ACACA: variants seen among roughly 807,000 people sequenced by gnomAD.
ACACA encodes acetyl-CoA carboxylase 1.
ACACA carries 103 observed loss-of-function variants against 296.1 expected under a neutral mutation model. The observed-to-expected ratio is 0.35, with a 90% CI of 0.30 to 0.41. ACACA has a LOEUF of 0.41. Among genes scored for constraint, ACACA ranks in the 10% least tolerant of loss-of-function variants. The pLI, the probability that ACACA is intolerant of heterozygous loss-of-function variation, is 1.00. For synonymous variants in ACACA, 953 were observed against 1,038.6 expected (o/e 0.92, Z 1.58); for missense variants, 1,554 against 2,989.7 (o/e 0.52, Z 11.20).
intron 52 of ACACA, among the ~76,000 whole-genome samples, chr17:37,099,163 T>G (rs1044774834): frequency 6.6e-6 from 1 of 152,216 alleles, no homozygotes; most frequent in African/African-American, 2.4e-5. Flanking sequence ...CTTGGGCTGC[T>G]GACTGAGCCG....
At chr17:37,120,319 G>A (rs2074467565) in intron 50 of ACACA, among the ~76,000 whole-genome samples, 1 of 151,886 alleles carries the variant, frequency 6.6e-6, no homozygotes, top group Non-Finnish European at 1.5e-5. Flanking sequence ...AGGCTAAAGT[G>A]CAGTGGCACA....
At chr17:37,138,808 C>T (rs1054891980) in intron 45 of ACACA, among the ~76,000 whole-genome samples, 1 of 152,190 alleles carries the variant, frequency 6.6e-6, no homozygotes, top group African/African-American at 2.4e-5. Context: ...TACACTATTG[C>T]ATGATATATT....
At chr17:37,159,720 AT>A (rs2076389901) in intron 42 of ACACA, among the ~76,000 whole-genome samples, 2 of 152,220 alleles carry the variant, frequency 1.3e-5, no homozygotes, top group Admixed American at 1.3e-4. Flanking sequence ...TTATAACTTG[AT>A]GAGTTATGAC....
intron 3 of ACACA, among the ~76,000 whole-genome samples, chr17:37,295,544 T>C (rs2083285914): frequency 6.6e-6 from 1 of 151,630 alleles, no homozygotes; most frequent in African/African-American, 2.4e-5. Context: ...ATTCCAGCAC[T>C]TTGGGAGGTA....
At chr17:37,150,444 AG>A (rs2075989560) in intron 44 of ACACA, among the ~76,000 whole-genome samples, 1 of 152,128 alleles carries the variant, frequency 6.6e-6, no homozygotes, top group Non-Finnish European at 1.5e-5. Flanking sequence ...CGGGAGGCCA[AG>A]GCAGGAAAAC....
chr17:37,299,318 T>G, intron 3 of ACACA: 1 of 1,614,094 alleles, frequency 6.2e-7, no homozygotes, highest in Middle Eastern at 1.6e-4. Flanking sequence ...TATTTTCCTC[T>G]GGAGAACCCT....
At chr17:37,267,020 T>C (rs752498558) in intron 10 of ACACA, among the ~76,000 whole-genome samples, 3 of 152,190 alleles carry the variant, frequency 2.0e-5, no homozygotes, top group Non-Finnish European at 2.9e-5. Context: ...TATGAGCCAG[T>C]TTTAAAGTCA....
At chr17:37,389,245 G>A in intron 1 of ACACA, 7 of 1,579,896 alleles carry the variant, frequency 4.4e-6, no homozygotes, top group South Asian at 3.5e-5. Flanking sequence ...TCTCCCTTCA[G>A]TATCAATGCC....
At chr17:37,098,191 A>G (rs1222116802) in intron 52 of ACACA, among the ~76,000 whole-genome samples, 2 of 152,164 alleles carry the variant, frequency 1.3e-5, no homozygotes, top group Non-Finnish European at 2.9e-5. Flanking sequence ...AGAAGCCCAC[A>G]TGCCCTCTTT....
intron 33 of ACACA, among the ~76,000 whole-genome samples, chr17:37,203,115 C>T (rs993523027): frequency 2.0e-5 from 3 of 151,972 alleles, no homozygotes; most frequent in Admixed American, 6.5e-5. Flanking sequence ...GCGCCCGCCA[C>T]CACACCTGGC....
chr17:37,204,365 A>T (rs2078404787), intron 33 of ACACA, among the ~76,000 whole-genome samples: 1 of 152,174 alleles, frequency 6.6e-6, no homozygotes, highest in East Asian at 1.9e-4. Flanking sequence ...CCTGGCATCA[A>T]ATCCTTAAGT....
rs901011865 is a variant in ACACA at position 37,246,770 on chromosome 17, C to T, written c.2460+56G>A. The T allele has an allele frequency of 3.6e-5, 57 of 1,601,922 alleles. 1 individual carries two copies. In the African/African-American group the frequency reaches 3.9e-4, roughly 11 times the overall value. ...CTTTTCAGTCCTAGTCCATCCCAGC[C>T]GACCCTTTTCCTACCTTCCCCTCCC... On this transcript the variant is annotated intron_variant, in intron 19 of 55. Coordinates refer to ENST00000616317, the MANE Select transcript of ACACA (RefSeq NM_198834.3).
At chr17:37,397,507 C>A (rs745439276) in intron 1 of ACACA, among the ~76,000 whole-genome samples, 9 of 152,116 alleles carry the variant, frequency 5.9e-5, no homozygotes, top group Non-Finnish European at 1.3e-4. Flanking sequence ...ATCAAAGTTG[C>A]TATCAGTTAC....
intron 51 of ACACA, 23 bp from the exon 52 acceptor site, chr17:37,111,666 A>C: frequency 6.3e-7 from 1 of 1,575,790 alleles, no homozygotes; most frequent in Non-Finnish European, 8.7e-7. Flanking sequence ...GAAAGAAAAA[A>C]CAAAACAGAA....
At chr17:37,247,920 A>G in intron 18 of ACACA, 91 bp downstream of exon 18, 1 of 1,542,206 alleles carries the variant, frequency 6.5e-7, no homozygotes, top group Admixed American at 1.7e-5. Flanking sequence ...ATGAGTACCA[A>G]GAAAAGCCTG....
intron 50 of ACACA, among the ~76,000 whole-genome samples, chr17:37,120,911 T>C (rs2074497522): frequency 6.6e-6 from 1 of 152,192 alleles, no homozygotes; most frequent in Non-Finnish European, 1.5e-5. Context: ...ATAGCACAAA[T>C]TGCCACTGGT....
At chr17:37,228,118 G>A (rs1012115169) in intron 25 of ACACA, among the ~76,000 whole-genome samples, 3 of 150,324 alleles carry the variant, frequency 2.0e-5, no homozygotes, top group Admixed American at 2.0e-4. Context: ...TAAAAGACAT[G>A]CTTTTTCCAA....
chr17:37,161,866 G>T lies in ACACA; in HGVS notation c.5264C>A (p.Ala1755Asp). The part of the protein sequence containing the change: ...AEGIPRIYVS[A>D]NSGARIGLAE... ...CAGTCCGATTCTTGCTCCACTGTTG[G>T]CTGATACATAGATGCGTGGAATACC... The change falls in exon 42 of 56, where the codon GCC becomes GAC. Residue 1755 changes from alanine (A) to aspartate (D), a missense_variant. Around this residue, in one of 16 missense-constraint regions of ACACA, gnomAD observed 553 missense variants for 1,043.6 expected, o/e 0.53. Coordinates refer to ENST00000616317, the MANE Select transcript of ACACA (RefSeq NM_198834.3). 1 of 1,614,104 alleles carries T rather than the reference G, an allele frequency of 6.2e-7. No individual in the cohort carries two copies. Among genetic ancestry groups the T allele is most frequent in the Non-Finnish European group, 8.5e-7 (1 of 1,180,024 alleles).
chr17:37,119,717 C>T (rs562636192), intron 50 of ACACA, among the ~76,000 whole-genome samples: 2 of 150,210 alleles, frequency 1.3e-5, no homozygotes, highest in East Asian at 1.9e-4. Context: ...GAAAAATTGT[C>T]GGCAAAAATT....
Sources: allele counts gnomAD v4.1 joint callset (sites outside exome capture counted in the v4.1 genomes callset), GRCh38; gene constraint gnomAD v4.1.1; regional missense constraint gnomAD v4.1.1; transcripts MANE v1.5; gene names NCBI Gene and HGNC (gene_info 2026-07-23, HGNC 2026-07-21).